The following PDE5A variants were observed in gnomAD, a reference collection of about 807,000 sequenced individuals.
The protein encoded by PDE5A is cGMP-specific 3',5'-cyclic phosphodiesterase.
Under a neutral mutation model 110.2 loss-of-function variants are expected in PDE5A, and 67 were observed. The observed-to-expected ratio is 0.61, with a 90% CI of 0.50 to 0.75. PDE5A has a LOEUF of 0.75. Ranked by LOEUF, PDE5A falls within the 30% of genes least tolerant of loss-of-function variation. PDE5A has a pLI of 0.00. For missense variants in PDE5A, 862 were observed against 1,045.1 expected (o/e 0.82, Z 2.42); for synonymous variants, 328 against 351.2 (o/e 0.93, Z 0.74).
rs926668052 is a variant in PDE5A, at chr4:119,494,980, C to T, written c.*3621G>A. On this transcript the variant is annotated 3_prime_UTR_variant, in exon 21 of 21. Coordinates refer to ENST00000354960, the MANE Select transcript of PDE5A (RefSeq NM_001083.4). ...GTCCAGAAGAACTGTGTAATCTTTA[C>T]CTGGCTAGCACATGGAAAAAATAAA... 3 of 152,486 alleles carry T rather than the reference C, an allele frequency of 2.0e-5. No homozygotes were observed. The highest frequency in any genetic ancestry group is 4.4e-5 in the Non-Finnish European group (3 of 68,002). 9.4% of individuals were successfully genotyped at this position (152,486 alleles called of 1,614,324 possible). A position where few individuals can be genotyped will look rare whatever the true frequency, so the allele number is the denominator to read the frequency against.
At chr4:119,508,245 G>A (rs1725622604) in intron 15 of PDE5A, among the ~76,000 whole-genome samples, 1 of 151,946 alleles carries the variant, frequency 6.6e-6, no homozygotes, top group Non-Finnish European at 1.5e-5. Context: ...ACTGGTCAGT[G>A]GTGAAAGAAA....
At chr4:119,502,233 T>G (rs1238759430) in intron 19 of PDE5A, among the ~76,000 whole-genome samples, 2 of 152,220 alleles carry the variant, frequency 1.3e-5, no homozygotes, top group Non-Finnish European at 2.9e-5. Context: ...ACTGCAAATA[T>G]TACACCAAGG....
chr4:119,574,469 C>T (rs578097307), intron 3 of PDE5A, among the ~76,000 whole-genome samples: 1 of 152,078 alleles, frequency 6.6e-6, no homozygotes, highest in Non-Finnish European at 1.5e-5. Flanking sequence ...GTGTGGGCCA[C>T]CGCGCCTGGC....
chr4:119,593,801 G>T (rs1447126313), intron 3 of PDE5A, among the ~76,000 whole-genome samples: 1 of 152,188 alleles, frequency 6.6e-6, no homozygotes, highest in African/African-American at 2.4e-5. Context: ...AAAGGAAAGA[G>T]ATTTAATTGA....
At chr4:119,521,160 T>C (rs1726114533) in intron 12 of PDE5A, 100 bp from the exon 13 acceptor site, 4 of 1,182,796 alleles carry the variant, frequency 3.4e-6, no homozygotes, top group African/African-American at 1.5e-5. Context: ...AGCCTGATAC[T>C]CCGATTTGGA....
chr4:119,509,660 C>T (rs1007201181), intron 15 of PDE5A, among the ~76,000 whole-genome samples: 2 of 151,976 alleles, frequency 1.3e-5, no homozygotes, highest in African/African-American at 4.8e-5. Flanking sequence ...TCTTCTACCT[C>T]CCAATCACAC....
chr4:119,537,996 T>C (rs1337405789), intron 11 of PDE5A, among the ~76,000 whole-genome samples: 3 of 152,046 alleles, frequency 2.0e-5, no homozygotes, highest in Non-Finnish European at 2.9e-5. Flanking sequence ...ATTCTTTGAA[T>C]TGCCAAGGTC....
At position 119,542,730 on chromosome 4, in the gene PDE5A, C is replaced by A. The variant is rs563848015; in HGVS notation, c.1397-96G>T. The A allele has an allele frequency of 2.6e-6, 3 of 1,132,848 alleles. No individual in the cohort carries two copies. In the East Asian group the frequency reaches 7.2e-5, roughly 27 times the overall value. 70.2% of individuals were successfully genotyped at this position (1,132,848 alleles called of 1,614,324 possible). On this transcript the variant is annotated intron_variant, in intron 9 of 20. Transcript: ENST00000354960. The stretch of plus-strand genomic sequence containing the variant: ...CACCCAAAGATTGTCTTACACTTTT[C>A]TCTTAGGAATGCTTAGTATGTCGAA...
At chr4:119,520,342 T>C (rs1726079227) in intron 13 of PDE5A, among the ~76,000 whole-genome samples, 1 of 152,124 alleles carries the variant, frequency 6.6e-6, no homozygotes, top group African/African-American at 2.4e-5. Flanking sequence ...GAAGTTAGAA[T>C]CTAAGGACAG....
chr4:119,578,511 C>G (rs1197350649), intron 3 of PDE5A, among the ~76,000 whole-genome samples: 1 of 152,176 alleles, frequency 6.6e-6, no homozygotes. Context: ...TGGAACAGAA[C>G]AGAGCCCTCA....
chr4:119,617,334 T>C (rs1729976503), intron 1 of PDE5A, among the ~76,000 whole-genome samples: 1 of 152,136 alleles, frequency 6.6e-6, no homozygotes, highest in Non-Finnish European at 1.5e-5. Flanking sequence ...ATGCAAGCCC[T>C]GGAACTGCAT....
chr4:119,587,821 AT>A (rs1212391567), intron 3 of PDE5A, among the ~76,000 whole-genome samples: 3 of 152,220 alleles, frequency 2.0e-5, no homozygotes, highest in African/African-American at 7.2e-5. Context: ...AAATTGAAGG[AT>A]TATGAATAAA....
At position 119,627,300 on chromosome 4, in the gene PDE5A, C is replaced by G; in HGVS notation, c.152+1220G>C. On this transcript the variant is annotated intron_variant, in intron 1 of 20. Coordinates refer to ENST00000354960, the MANE Select transcript of PDE5A (RefSeq NM_001083.4). The surrounding 1 kb of genome is among the most constrained non-coding windows in gnomAD (Gnocchi z 4.6). ...CGACTCAGAACCAGCTCCCTCACGG[C>G]CCCGGCCTCCGCGCCGCCGCCCGTC... 1 of 1,313,544 alleles carries G rather than the reference C, an allele frequency of 7.6e-7. No individual in the cohort carries two copies. Among genetic ancestry groups the G allele is most frequent in the Non-Finnish European group, 9.8e-7 (1 of 1,017,800 alleles). The allele number at this position is 1,313,544 out of a possible 1,614,324, so 81.4% of individuals were successfully genotyped here. A position where few individuals can be genotyped will look rare whatever the true frequency, so the allele number is the denominator to read the frequency against.
chr4:119,579,229 A>G (rs1362394260), intron 3 of PDE5A, among the ~76,000 whole-genome samples: 2 of 152,124 alleles, frequency 1.3e-5, no homozygotes, highest in African/African-American at 2.4e-5. Context: ...GAACACTTTT[A>G]CACTGTTGGT....
intron 3 of PDE5A, among the ~76,000 whole-genome samples, chr4:119,591,431 C>T (rs1728963389): frequency 6.6e-6 from 1 of 152,174 alleles, no homozygotes; most frequent in Non-Finnish European, 1.5e-5. Flanking sequence ...CCTGGTTTGT[C>T]AGCCAGCAAC....
At chr4:119,595,094 T>C (rs1362727532) in intron 3 of PDE5A, among the ~76,000 whole-genome samples, 1 of 152,054 alleles carries the variant, frequency 6.6e-6, no homozygotes, top group Non-Finnish European at 1.5e-5. Flanking sequence ...CTTCAAAATC[T>C]GAATCATGGT....
At chr4:119,597,378 C>A (rs535421950) in intron 2 of PDE5A, among the ~76,000 whole-genome samples, 8 of 150,856 alleles carry the variant, frequency 5.3e-5, no homozygotes, top group Non-Finnish European at 1.2e-4. Flanking sequence ...TGCGTTAAAT[C>A]AATGAAGGAA....
At chr4:119,622,840 G>T (rs1730201011) in intron 1 of PDE5A, among the ~76,000 whole-genome samples, 2 of 145,994 alleles carry the variant, frequency 1.4e-5, no homozygotes, top group Admixed American at 1.4e-4. Flanking sequence ...CTCCAGCCTG[G>T]GTAACAGAGC....
At chr4:119,618,122 A>G (rs889169766) in intron 1 of PDE5A, among the ~76,000 whole-genome samples, 3 of 151,862 alleles carry the variant, frequency 2.0e-5, no homozygotes, top group African/African-American at 7.3e-5. Context: ...CCCCAGAATC[A>G]CCTCTTTCTA....
Sources: allele counts gnomAD v4.1 joint callset (sites outside exome capture counted in the v4.1 genomes callset), GRCh38; gene constraint gnomAD v4.1.1; non-coding constraint Gnocchi (gnomAD v3.1); transcripts MANE v1.5; gene names NCBI Gene and HGNC (gene_info 2026-07-23, HGNC 2026-07-21).